SSBP2: variants seen among roughly 807,000 people sequenced by gnomAD.
SSBP2 encodes the protein single stranded DNA binding protein 2.
SSBP2 carries 17 observed loss-of-function variants against 61.8 expected under a neutral mutation model. That is an observed-to-expected ratio of 0.28 (90% confidence interval 0.19 to 0.41). SSBP2 has a LOEUF of 0.41. SSBP2 is among the 10% of genes least tolerant of loss of function. SSBP2 has a pLI of 1.00. For missense variants in SSBP2, 310 were observed against 458.7 expected (o/e 0.68, Z 2.96); for synonymous variants, 139 against 141.3 (o/e 0.98, Z 0.12).
intron 4 of SSBP2, among the ~76,000 whole-genome samples, chr5:81,578,002 A>G (rs1156827270): frequency 6.6e-6 from 1 of 152,072 alleles, no homozygotes; most frequent in Non-Finnish European, 1.5e-5. Context: ...CATTTTATAG[A>G]ATAAAAAAGC....
intron 4 of SSBP2, among the ~76,000 whole-genome samples, chr5:81,602,036 A>G (rs747781436): frequency 3.9e-5 from 6 of 152,208 alleles, no homozygotes; most frequent in Non-Finnish European, 7.3e-5. Flanking sequence ...ACATGTAACC[A>G]GTACCTTGAT....
chr5:81,449,011 AAAG>A (rs1256854650), intron 10 of SSBP2, among the ~76,000 whole-genome samples, 186 bp from the exon 11 acceptor site: 14 of 152,314 alleles, frequency 9.2e-5, no homozygotes, highest in African/African-American at 3.1e-4. Flanking sequence ...GATTTACACA[AAAG>A]AAGGCAGATT....
chr5:81,551,492 C>A (rs1772185414), intron 4 of SSBP2, among the ~76,000 whole-genome samples: 1 of 152,118 alleles, frequency 6.6e-6, no homozygotes, highest in South Asian at 2.1e-4. Flanking sequence ...CTCTAAAATG[C>A]TGACAGTCAG....
chr5:81,686,872 AGAAAAGAAAAGAAAAG>A (rs772473329), intron 1 of SSBP2, among the ~76,000 whole-genome samples: 4 of 16,254 alleles, frequency 2.5e-4, no homozygotes, highest in East Asian at 2.0e-3. Flanking sequence ...AAAAAAAAAA[AGAAAAGAAAAGAAAAG>A]AAAAGAAAAG....
intron 4 of SSBP2, among the ~76,000 whole-genome samples, chr5:81,534,775 A>G (rs193222223): frequency 7.2e-4 from 109 of 152,238 alleles, no homozygotes; most frequent in African/African-American, 2.5e-3. Flanking sequence ...AGAGAGAAAG[A>G]AACAGAAGCA....
intron 1 of SSBP2, among the ~76,000 whole-genome samples, chr5:81,652,495 AG>A (rs1749814207): frequency 6.6e-6 from 1 of 152,152 alleles, no homozygotes; most frequent in African/African-American, 2.4e-5. Flanking sequence ...TAAGGGTGTG[AG>A]CCCATCCTCC....
intron 3 of SSBP2, among the ~76,000 whole-genome samples, chr5:81,615,880 C>G (rs1172309036): frequency 6.6e-6 from 1 of 152,104 alleles, no homozygotes; most frequent in African/African-American, 2.4e-5. Context: ...ACAATTTTCC[C>G]ATGAAGAATA....
intron 1 of SSBP2, among the ~76,000 whole-genome samples, chr5:81,674,321 C>G (rs981132840): frequency 6.6e-6 from 1 of 152,164 alleles, no homozygotes; most frequent in African/African-American, 2.4e-5. Flanking sequence ...TCACCACATA[C>G]CCCTCCACTC....
At chr5:81,708,363 G>A (rs1033452506) in intron 1 of SSBP2, among the ~76,000 whole-genome samples, 1 of 152,076 alleles carries the variant, frequency 6.6e-6, no homozygotes, top group Non-Finnish European at 1.5e-5. Flanking sequence ...ATCCTGATAT[G>A]TATTTGAATA....
At chr5:81,681,743 T>G (rs1752404152) in intron 1 of SSBP2, among the ~76,000 whole-genome samples, 1 of 151,956 alleles carries the variant, frequency 6.6e-6, no homozygotes, top group Non-Finnish European at 1.5e-5. Context: ...ATGAAATTGA[T>G]GAAAAGGAAA....
intron 16 of SSBP2, among the ~76,000 whole-genome samples, chr5:81,424,226 C>T (rs1261231997): frequency 6.6e-6 from 1 of 151,940 alleles, no homozygotes; most frequent in Non-Finnish European, 1.5e-5. Context: ...GAGTTCGAGA[C>T]CAGCCTGACC....
intron 4 of SSBP2, among the ~76,000 whole-genome samples, chr5:81,570,142 A>G (rs141837284): frequency 9.8e-4 from 149 of 152,314 alleles, no homozygotes; most frequent in African/African-American, 3.3e-3. Flanking sequence ...GTAACTTTAC[A>G]GTTTTACTCA....
At chr5:81,480,261 C>T (rs1765886189) in intron 6 of SSBP2, among the ~76,000 whole-genome samples, 1 of 152,168 alleles carries the variant, frequency 6.6e-6, no homozygotes, top group Non-Finnish European at 1.5e-5. Context: ...AACTGATGTA[C>T]AGGCACACCT....
At chr5:81,719,700 T>C (rs1251503562) in intron 1 of SSBP2, among the ~76,000 whole-genome samples, 2 of 152,050 alleles carry the variant, frequency 1.3e-5, no homozygotes, top group Non-Finnish European at 2.9e-5. Flanking sequence ...CACAGGTCCA[T>C]ATGGGAAGGC....
In SSBP2 at chr5:81,553,000, T is replaced by C. The variant is rs568826966; in HGVS notation, c.283-39283A>G. Among the ~76,000 whole-genome samples, 32 of 152,294 alleles carry C rather than the reference T, an allele frequency of 2.1e-4. No individual in the cohort carries two copies. In the South Asian group the frequency reaches 3.1e-3, roughly 15 times the overall value. The stretch of plus-strand genomic sequence containing the variant: ...ACTGTCAGGAGTACTTCCAGCACAG[T>C]AGCAGTTCAGGAAATGAGGATGATA... On this transcript the variant is annotated intron_variant, in intron 4 of 16. Transcript: ENST00000320672.
chr5:81,594,384 A>T (rs1212683505), intron 4 of SSBP2, among the ~76,000 whole-genome samples: 6 of 152,142 alleles, frequency 3.9e-5, no homozygotes, highest in Non-Finnish European at 7.4e-5. Context: ...CTCCCACACA[A>T]TAATAATGGG....
chr5:81,586,839 AG>A (rs943993033), intron 4 of SSBP2, among the ~76,000 whole-genome samples: 5 of 151,772 alleles, frequency 3.3e-5, no homozygotes, highest in Non-Finnish European at 7.4e-5. Flanking sequence ...TCCCTCTAGG[AG>A]TCTAAAATTC....
intron 1 of SSBP2, among the ~76,000 whole-genome samples, chr5:81,652,554 G>A (rs1312806282): frequency 6.6e-6 from 1 of 152,136 alleles, no homozygotes; most frequent in Non-Finnish European, 1.5e-5. Context: ...ACAGGGTGAT[G>A]AAGTGGGATC....
intron 6 of SSBP2, among the ~76,000 whole-genome samples, chr5:81,482,039 T>C (rs1766030557): frequency 6.6e-6 from 1 of 152,112 alleles, no homozygotes; most frequent in East Asian, 1.9e-4. Context: ...CCTCCTGAGT[T>C]CAAGCAATTC....
Sources: allele counts gnomAD v4.1 joint callset (sites outside exome capture counted in the v4.1 genomes callset), GRCh38; gene constraint gnomAD v4.1.1; transcripts MANE v1.5; gene names NCBI Gene and HGNC (gene_info 2026-07-23, HGNC 2026-07-21).